The following CEP104 variants were observed in gnomAD, a reference collection of about 807,000 sequenced individuals.
CEP104 encodes centrosomal protein 104.
A neutral mutation model predicts 113.3 loss-of-function variants in CEP104; 84 were observed. The ratio of observed to expected loss-of-function variants is 0.74; its 90% CI spans 0.62 to 0.89. The LOEUF (loss-of-function observed/expected upper bound fraction) is 0.89. Among genes scored for constraint, CEP104 ranks in the 40% least tolerant of loss-of-function variants. The pLI is 0.00. For missense variants in CEP104, 1,053 were observed against 1,156.6 expected (o/e 0.91, Z 1.30); for synonymous variants, 378 against 421.7 (o/e 0.90, Z 1.27).
intron 3 of CEP104, 80 bp from the exon 4 acceptor site, chr1:3,847,693 G>A: frequency 7.1e-7 from 1 of 1,405,860 alleles, no homozygotes; most frequent in Non-Finnish European, 1.0e-6. Flanking sequence ...GAACTCAATA[G>A]GCTCATTTAT....
chr1:3,851,705 T>C (rs1297146433), intron 2 of CEP104, among the ~76,000 whole-genome samples: 1 of 152,162 alleles, frequency 6.6e-6, no homozygotes, highest in Non-Finnish European at 1.5e-5. Context: ...CAGGCTGGAG[T>C]GCATGGCTAT....
intron 1 of CEP104, among the ~76,000 whole-genome samples, chr1:3,856,483 ACAAC>A (rs1344342108): frequency 1.3e-5 from 2 of 152,256 alleles, no homozygotes; most frequent in Non-Finnish European, 2.9e-5. Flanking sequence ...AAAACAAAAA[ACAAC>A]CAACCATCAG....
chr1:3,837,806 GAGC>G lies in CEP104; in HGVS notation c.892-290_892-288del, dbSNP rs571202217. Among the ~76,000 whole-genome samples, 516 of 152,368 alleles carry G rather than the reference GAGC, an allele frequency of 3.4e-3. 5 individuals are homozygous for G. Among genetic ancestry groups the G allele is most frequent in the Middle Eastern group, 0.014 (4 of 294 alleles). On this transcript the variant is annotated intron_variant, in intron 8 of 21. Coordinates refer to ENST00000378230, the MANE Select transcript of CEP104 (RefSeq NM_014704.4). ...GTGAAGGAATGAGCATTTGTGCATGGAGCATGTCCACACATATGTGCCCCTGCA... is the reference window on the plus strand; with the variant it reads ...GTGAAGGAATGAGCATTTGTGCATGGATGTCCACACATATGTGCCCCTGCA...
chr1:3,827,762 G>A (rs576882413), intron 15 of CEP104, among the ~76,000 whole-genome samples: 24 of 152,314 alleles, frequency 1.6e-4, no homozygotes, highest in African/African-American at 4.1e-4. Context: ...GCAGGTCTGC[G>A]CTGGCCTCGA....
chr1:3,855,812 T>A, intron 1 of CEP104: 3 of 766,108 alleles, frequency 3.9e-6, no homozygotes, highest in Non-Finnish European at 4.8e-6. Flanking sequence ...AAAATCACCA[T>A]TAACAATTTG....
chr1:3,823,717 A>G lies in CEP104; in HGVS notation c.2365-155T>C, dbSNP rs1370185913. On this transcript the variant is annotated intron_variant, in intron 18 of 21. Coordinates refer to ENST00000378230, the MANE Select transcript of CEP104 (RefSeq NM_014704.4). The surrounding 1 kb of genome is among the most constrained non-coding windows in gnomAD (Gnocchi z 4.1). ...AGGCTTCTATCTTCGGCATTTGCCC[A>G]CAGACTGTCTGGAGTCACTTGTGAT... Among the ~76,000 whole-genome samples, 2 of 152,232 alleles carry G rather than the reference A, an allele frequency of 1.3e-5. No individual in the cohort carries two copies. The highest frequency in any genetic ancestry group is 2.9e-5 in the Non-Finnish European group (2 of 68,042).
chr1:3,842,013 A>T lies in CEP104; in HGVS notation c.567-2237T>A, dbSNP rs374566201. ...TTCCATCCAATTGCCAGCTTGAAGG[A>T]TGGGAAGAGTACTGTGATTTTTCTA... On this transcript the variant is annotated intron_variant, in intron 6 of 21. Coordinates refer to ENST00000378230, the MANE Select transcript of CEP104 (RefSeq NM_014704.4). 9.8e-5 allele frequency among the ~76,000 whole-genome samples: 15 copies of T among 152,296 alleles called. No homozygotes were observed. The East Asian group carries it at 2.3e-3, about 24-fold the overall frequency.
At chr1:3,852,617 C>T (rs1327035303) in intron 1 of CEP104, among the ~76,000 whole-genome samples, 196 bp from the exon 2 acceptor site, 1 of 152,142 alleles carries the variant, frequency 6.6e-6, no homozygotes, top group African/African-American at 2.4e-5. Context: ...CTTAAGATAT[C>T]ATTTAAGTTA....
At chr1:3,837,686 C>T (rs1644341364) in intron 8 of CEP104, among the ~76,000 whole-genome samples, 167 bp from the exon 9 acceptor site, 2 of 152,248 alleles carry the variant, frequency 1.3e-5, no homozygotes, top group Non-Finnish European at 2.9e-5. Context: ...GTGAAATCTA[C>T]TTGAAAGTCC....
Position 3,819,352 on chromosome 1 carries a change from T to C in CEP104, c.2572-2982A>G, listed in dbSNP as rs1417063691. Among the ~76,000 whole-genome samples, 1 of 152,054 alleles carries C rather than the reference T, an allele frequency of 6.6e-6. No homozygotes were observed. Among genetic ancestry groups the C allele is most frequent in the Non-Finnish European group, 1.5e-5 (1 of 68,018 alleles). ...AAAAGGGGCGGCATGTAGGCAGTGT[T>C]GTCTTTTGGGTGATGGAAAAGTTCC... On this transcript the variant is annotated intron_variant, in intron 20 of 21. Coordinates refer to ENST00000378230, the MANE Select transcript of CEP104 (RefSeq NM_014704.4). This position sits in a 1 kb window ranked among gnomAD's most constrained non-coding sequence, Gnocchi z 4.6.
chr1:3,848,303 C>T (rs1474169600), intron 3 of CEP104, among the ~76,000 whole-genome samples: 7 of 151,870 alleles, frequency 4.6e-5, no homozygotes, highest in Admixed American at 6.6e-5. Context: ...GAGGTCGAGG[C>T]GGGCGGATCA....
Position 3,848,708 on chromosome 1 carries a change from C to T in CEP104, c.187G>A (p.Ala63Thr). The T allele has an allele frequency of 6.2e-7, 1 of 1,613,684 alleles. No individual in the cohort carries two copies. Among genetic ancestry groups the T allele is most frequent in the Non-Finnish European group, 8.5e-7 (1 of 1,179,814 alleles). Residue 63 changes from alanine to threonine, a missense_variant, in exon 3 of 22, where the codon GCT becomes ACT. Coordinates refer to ENST00000378230, the MANE Select transcript of CEP104 (RefSeq NM_014704.4). ...RCRIRKLQLLAHQYMISSKIE... is the reference protein window; with the variant it reads ...RCRIRKLQLLTHQYMISSKIE... ...TTACTTGAAATCATATACTGGTGAG[C>T]AAGTAACTGCAGTTTCCTTATTCGA... is the stretch of plus-strand genomic sequence containing the variant.
intron 6 of CEP104, among the ~76,000 whole-genome samples, chr1:3,842,662 G>A (rs1252199799): frequency 6.6e-6 from 1 of 152,238 alleles, no homozygotes; most frequent in Non-Finnish European, 1.5e-5. Context: ...AGGTAAAAGT[G>A]AAATTACACC....
At position 3,814,448 on chromosome 1, in the gene CEP104, A is replaced by T. The variant is rs1295405064; in HGVS notation, c.*954T>A. 6.6e-6 allele frequency: 1 copy of T among 152,248 alleles called. No individual in the cohort carries two copies. The highest frequency in any genetic ancestry group is 1.5e-5 in the Non-Finnish European group (1 of 68,046). The allele number at this position is 152,248 out of a possible 1,614,324, so 9.4% of individuals were successfully genotyped here. On this transcript the variant is annotated 3_prime_UTR_variant, in exon 22 of 22. Coordinates refer to ENST00000378230, the MANE Select transcript of CEP104 (RefSeq NM_014704.4). ...GTGTTGATGTTTTAAACATCCTATC[A>T]ACTCTTTGAAGAAAGTAAACTTATG...
chr1:3,817,247 CAGG>C (rs1482605835), intron 20 of CEP104, among the ~76,000 whole-genome samples: 1 of 152,148 alleles, frequency 6.6e-6, no homozygotes, highest in Admixed American at 6.5e-5. Context: ...GAGGCTGAGG[CAGG>C]AGAATTGCTT....
intron 6 of CEP104, among the ~76,000 whole-genome samples, chr1:3,841,525 T>C (rs934074348): frequency 6.6e-6 from 1 of 152,200 alleles, no homozygotes; most frequent in Non-Finnish European, 1.5e-5. Context: ...TTCATTTGAT[T>C]ATAAAAATCC....
In CEP104 at chr1:3,838,707, C is replaced by G. The variant is rs188420277; in HGVS notation, c.891+257G>C. Among the ~76,000 whole-genome samples, 406 of 152,324 alleles carry G rather than the reference C, an allele frequency of 2.7e-3. 2 individuals are homozygous for G. Among genetic ancestry groups the G allele is most frequent in the African/African-American group, 9.3e-3 (388 of 41,574 alleles). Reference sequence around the variant, plus strand: ...CAGCTGGAGAGATGAAGGGATGCAGCAGAAAAGCAGCAGGGCCTCGGTTTT... The same window carrying G: ...CAGCTGGAGAGATGAAGGGATGCAGGAGAAAAGCAGCAGGGCCTCGGTTTT... On this transcript the variant is annotated intron_variant, in intron 8 of 21. Transcript: ENST00000378230.
intron 1 of CEP104, among the ~76,000 whole-genome samples, chr1:3,855,262 A>G (rs1570868026): frequency 6.7e-6 from 1 of 149,256 alleles, no homozygotes; most frequent in East Asian, 2.0e-4. Context: ...GCTCACTGTA[A>G]CCATGAACTC....
chr1:3,831,006 T>C (rs1477001186), intron 13 of CEP104, 40 bp downstream of exon 13: 2 of 1,589,208 alleles, frequency 1.3e-6, no homozygotes, highest in South Asian at 2.2e-5. Context: ...CTGTGGTGAG[T>C]GCTGGGCCGC....
Sources: allele counts gnomAD v4.1 joint callset (sites outside exome capture counted in the v4.1 genomes callset), GRCh38; gene constraint gnomAD v4.1.1; non-coding constraint Gnocchi (gnomAD v3.1); transcripts MANE v1.5; gene names NCBI Gene and HGNC (gene_info 2026-07-23, HGNC 2026-07-21).